The following POLA1 variants were observed in gnomAD, a reference collection of about 807,000 sequenced individuals.
POLA1 encodes the protein DNA polymerase alpha 1, catalytic subunit, also known as DNA polymerase alpha catalytic subunit.
A neutral mutation model predicts 124.0 loss-of-function variants in POLA1; 15 were observed. The ratio of observed to expected loss-of-function variants is 0.12; its 90% CI spans 0.08 to 0.19. The LOEUF is 0.19. Among genes scored for constraint, POLA1 ranks in the 10% least tolerant of loss-of-function variants. POLA1 has a pLI of 1.00. For synonymous variants in POLA1, 408 were observed against 389.4 expected (o/e 1.05, Z -0.56); for missense variants, 886 against 1,103.4 (o/e 0.80, Z 2.79).
intron 12 of POLA1, among the ~76,000 whole-genome samples, 165 bp downstream of exon 12, chrX:24,724,616 G>T (rs759713924): frequency 1.4e-4 from 16 of 112,126 alleles, no homozygotes; most frequent in African/African-American, 5.2e-4. Flanking sequence ...TATTAGATTT[G>T]CAAAAATATT....
chrX:24,698,705 G>A (rs1215694120), intron 1 of POLA1, among the ~76,000 whole-genome samples: 2 of 111,342 alleles, frequency 1.8e-5, no homozygotes, highest in African/African-American at 6.5e-5. Context: ...CCAGGCTGGA[G>A]TGCAATGGTG....
chrX:24,928,376 C>T (rs1338645435), intron 35 of POLA1, among the ~76,000 whole-genome samples: 1 of 111,935 alleles, frequency 8.9e-6, no homozygotes, highest in African/African-American at 3.2e-5. Context: ...AATTGACAAG[C>T]AGCTATATTG....
chrX:24,801,924 GGTGTGTGTGTGTGTGTGTGTGTGTGTGT>G (rs35938897), intron 26 of POLA1, among the ~76,000 whole-genome samples: 3 of 74,535 alleles, frequency 4.0e-5, no homozygotes, highest in African/African-American at 1.6e-4. Flanking sequence ...GAGGTGGGTG[GGTGTGTGTGTGTGTGTGTGTGTGTGTGT>G]GTGTGTGTGT....
At position 24,743,301 on chromosome X, in the gene POLA1, T is replaced by C; in HGVS notation, c.2538T>C (p.Ala846=). The C allele has an allele frequency of 8.6e-7, 1 of 1,169,043 alleles. No homozygotes were observed. The highest frequency in any genetic ancestry group is 2.4e-4 in the Middle Eastern group (1 of 4,239). Reference sequence around the variant, plus strand: ...AAGGACGTAAGAAAGCAGCTTATGCTGGAGGCTTGGTTTTGGACCCCAAAG... The same window carrying C: ...AAGGACGTAAGAAAGCAGCTTATGCCGGAGGCTTGGTTTTGGACCCCAAAG... ...YKKGRKKAAY[A]GGLVLDPKVG... Residue 846 remains alanine, a synonymous_variant, in exon 23 of 37, where the codon GCT becomes GCC. Coordinates refer to ENST00000379068, the MANE Select transcript of POLA1 (RefSeq NM_001330360.2).
chrX:24,943,525 C>T (rs1253379338), intron 36 of POLA1, among the ~76,000 whole-genome samples: 1 of 111,921 alleles, frequency 8.9e-6, no homozygotes, highest in African/African-American at 3.3e-5. Flanking sequence ...CAAAAAAAGT[C>T]GATGCTGAAA....
chrX:24,737,814 C>T, intron 19 of POLA1, 73 bp downstream of exon 19: 2 of 467,423 alleles, frequency 4.3e-6, no homozygotes, highest in Non-Finnish European at 7.3e-6. Flanking sequence ...ACACACTATA[C>T]TTTTTAAAAC....
At chrX:24,971,274 A>G (rs1179436538) in intron 36 of POLA1, among the ~76,000 whole-genome samples, 1 of 111,734 alleles carries the variant, frequency 8.9e-6, no homozygotes, top group African/African-American at 3.3e-5. Flanking sequence ...GTTTGCTTTA[A>G]ATCCTGTGAA....
chrX:24,737,632 A>G lies in POLA1; in HGVS notation c.1931A>G (p.Asn644Ser), dbSNP rs1931360275. 3.7e-6 allele frequency: 4 copies of G among 1,071,800 alleles called. No homozygotes were observed. Among genetic ancestry groups the G allele is most frequent in the Admixed American group, 4.5e-5 (2 of 44,166 alleles). 88.3% of individuals were successfully genotyped at this position (1,071,800 alleles called of 1,213,427 possible). The change falls in exon 19 of 37, where the codon AAT becomes AGT. Residue 644 changes from asparagine to serine, a missense_variant. Asn to Ser is a conservative substitution (Grantham distance 46). Transcript: ENST00000379068. The stretch of plus-strand genomic sequence containing the variant: ...CCTTCTTTTTCTGACTAGGGTCATA[A>G]TATTTATGGGTTTGAACTGGAAGTA... ...KIDPDIIVGHNIYGFELEVLL... is the reference protein window; with the variant it reads ...KIDPDIIVGHSIYGFELEVLL...
intron 2 of POLA1, among the ~76,000 whole-genome samples, chrX:24,702,667 T>G (rs373185041): frequency 9.1e-4 from 102 of 112,563 alleles, no homozygotes; most frequent in African/African-American, 3.2e-3. Flanking sequence ...TGGTGGAGTT[T>G]CAGTGGTAAT....
chrX:24,963,839 A>G (rs2048193998), intron 36 of POLA1, among the ~76,000 whole-genome samples: 1 of 111,488 alleles, frequency 9.0e-6, no homozygotes, highest in Admixed American at 9.6e-5. Flanking sequence ...GTTATACCTA[A>G]TTTTTCCCCC....
chrX:24,907,180 G>C (rs1601856935), intron 35 of POLA1, among the ~76,000 whole-genome samples: 1 of 110,988 alleles, frequency 9.0e-6, no homozygotes, highest in East Asian at 2.8e-4. Context: ...GACAGAGCAA[G>C]ACTCTGTCTT....
intron 30 of POLA1, among the ~76,000 whole-genome samples, chrX:24,820,517 TTTTG>T (rs971727305): frequency 4.5e-5 from 5 of 111,597 alleles, no homozygotes; most frequent in African/African-American, 1.6e-4. Flanking sequence ...CCTTTTGCCT[TTTTG>T]TTTGTTTCTC....
intron 26 of POLA1, chrX:24,775,050 T>C (rs1469472547): frequency 8.9e-6 from 1 of 112,364 alleles, no homozygotes; most frequent in Non-Finnish European, 1.9e-5. Context: ...TATGAACTTT[T>C]ACTGCTCAAA....
At chrX:24,894,210 C>G (rs1175144223) in intron 35 of POLA1, among the ~76,000 whole-genome samples, 2 of 112,204 alleles carry the variant, frequency 1.8e-5, no homozygotes. Flanking sequence ...GCAGAAGAAA[C>G]CTGTCACTGC....
At chrX:24,796,580 C>T (rs1385468713) in intron 26 of POLA1, among the ~76,000 whole-genome samples, 1 of 111,505 alleles carries the variant, frequency 9.0e-6, no homozygotes, top group African/African-American at 3.3e-5. Flanking sequence ...GTTTTTGGTG[C>T]TAACTTGCCT....
intron 8 of POLA1, 47 bp downstream of exon 8, chrX:24,717,018 G>A (rs1335732486): frequency 1.1e-6 from 1 of 871,859 alleles, no homozygotes; most frequent in Admixed American, 2.5e-5. Flanking sequence ...AGTGGTTTCT[G>A]TCAAAAATGG....
intron 26 of POLA1, among the ~76,000 whole-genome samples, chrX:24,769,764 G>A (rs182427429): frequency 1.6e-4 from 18 of 111,889 alleles, no homozygotes; most frequent in African/African-American, 5.8e-4. Flanking sequence ...TAGCACTCAG[G>A]TGATTGATAA....
intron 35 of POLA1, among the ~76,000 whole-genome samples, chrX:24,900,785 G>A (rs1240463227): frequency 3.6e-5 from 4 of 111,482 alleles, no homozygotes; most frequent in African/African-American, 1.3e-4. Flanking sequence ...ACTGAATGGT[G>A]GAAACTGAGA....
intron 34 of POLA1, among the ~76,000 whole-genome samples, chrX:24,868,284 A>G (rs951085121): frequency 8.9e-6 from 1 of 112,112 alleles, no homozygotes; most frequent in African/African-American, 3.2e-5. Flanking sequence ...GTTGTTTGGT[A>G]GAAGATTGTG....
Sources: gnomAD v4.1 joint callset for allele counts (sites outside exome capture counted in the v4.1 genomes callset) on GRCh38, gnomAD v4.1.1 for gene constraint, MANE v1.5 for transcripts, NCBI Gene and HGNC (gene_info 2026-07-23, HGNC 2026-07-21) for gene names.